PDE1C: variants seen among roughly 807,000 people sequenced by gnomAD.
PDE1C encodes the protein phosphodiesterase 1C.
PDE1C carries 62 observed loss-of-function variants against 93.1 expected under a neutral mutation model. That is an observed-to-expected ratio of 0.67 (90% CI 0.54 to 0.82). The LOEUF (loss-of-function observed/expected upper bound fraction) is 0.82. Among genes scored for constraint, PDE1C ranks in the 40% least tolerant of loss-of-function variants. The pLI, the probability that PDE1C is intolerant of heterozygous loss-of-function variation, is 0.00. For missense variants in PDE1C, 742 were observed against 884.6 expected (o/e 0.84, Z 2.04); for synonymous variants, 325 against 310.1 (o/e 1.05, Z -0.50).
chr7:31,649,839 T>C, the PDE1C span, among the ~76,000 whole-genome samples: 1 of 152,260 alleles, frequency 6.6e-6, no homozygotes, highest in East Asian at 1.9e-4. Context: ...TAAATAGCTT[T>C]AGTTAAAGCC....
At chr7:32,086,699 C>T (rs1302592536) in intron 3 of PDE1C, among the ~76,000 whole-genome samples, 6 of 152,106 alleles carry the variant, frequency 3.9e-5, no homozygotes, top group South Asian at 2.1e-4. Flanking sequence ...GAAATAACAC[C>T]GCATATCTAC....
At position 32,193,954 on chromosome 7, in the gene PDE1C, G is replaced by A. The variant is rs190210784; in HGVS notation, c.136+15535C>T. Among the ~76,000 whole-genome samples, 362 of 129,764 alleles carry A rather than the reference G, an allele frequency of 2.8e-3. 3 individuals carry two copies. The highest frequency in any genetic ancestry group is 9.4e-3 in the African/African-American group (333 of 35,420). 85.1% of individuals were successfully genotyped at this position (129,764 alleles called of 152,430 possible). ...TTTTGAGACGGAGTCTCACTCTGTC[G>A]CCCAGGCTGGAGTGCAGTGGCACAA... is the stretch of plus-strand genomic sequence containing the variant. On this transcript the variant is annotated intron_variant, in intron 2 of 18. Coordinates refer to the PDE1C transcript ENST00000396193.
At chr7:32,107,986 T>A (rs1036728446) in intron 3 of PDE1C, among the ~76,000 whole-genome samples, 7 of 151,128 alleles carry the variant, frequency 4.6e-5, no homozygotes, top group Non-Finnish European at 8.8e-5. Flanking sequence ...AAAAAGAAAT[T>A]TTTTTAAGTA....
At chr7:32,009,977 T>C (rs548538341) in intron 2 of PDE1C, among the ~76,000 whole-genome samples, 1 of 152,196 alleles carries the variant, frequency 6.6e-6, no homozygotes, top group Non-Finnish European at 1.5e-5. Flanking sequence ...CAAGAGATTG[T>C]CAAGACCTGT....
At chr7:31,941,749 T>C (rs956164745) in intron 2 of PDE1C, among the ~76,000 whole-genome samples, 4 of 152,180 alleles carry the variant, frequency 2.6e-5, no homozygotes, top group Non-Finnish European at 5.9e-5. Flanking sequence ...TCTACTGTTC[T>C]TTAATCCAGT....
chr7:32,181,474 T>A (rs576271192), intron 2 of PDE1C, among the ~76,000 whole-genome samples: 1 of 152,192 alleles, frequency 6.6e-6, no homozygotes, highest in East Asian at 1.9e-4. Flanking sequence ...GCAATCAAAC[T>A]AGAACTCAGA....
At chr7:31,798,803 T>C (rs1243728551) in intron 16 of PDE1C, among the ~76,000 whole-genome samples, 2 of 151,752 alleles carry the variant, frequency 1.3e-5, no homozygotes, top group African/African-American at 2.4e-5. Context: ...GACCAATGCA[T>C]AGCCAGTGTC....
Position 31,774,006 on chromosome 7 carries a change from C to T in PDE1C, c.1960+1658G>A, listed in dbSNP as rs374891156. On this transcript the variant is annotated intron_variant, in intron 17 of 17. Transcript: ENST00000396191. ...CAAGAAAAGTTCAAGGGTTATTCGG[C>T]GGATGTGGAGTCCACTTGTTTGACT... is the stretch of plus-strand genomic sequence containing the variant. 3.9e-5 allele frequency among the ~76,000 whole-genome samples: 6 copies of T among 152,268 alleles called. 1 individual carries two copies. Among genetic ancestry groups the T allele is most frequent in the South Asian group, 2.1e-4 (1 of 4,820 alleles).
rs114219133 is a variant in PDE1C at position 32,156,494 on chromosome 7, A to G, written c.308+13291T>C. On this transcript the variant is annotated intron_variant, in intron 3 of 18. Coordinates refer to the PDE1C transcript ENST00000396193. ...ATATTCTAAGTCGAAGTTCATTTCT[A>G]CCCTTTAGGGTTGATGTCTCTCCCT... is the stretch of plus-strand genomic sequence containing the variant. Among the ~76,000 whole-genome samples the G allele has an allele frequency of 3.1e-3, 471 of 152,210 alleles. 6 individuals are homozygous for G. The highest frequency in any genetic ancestry group is 0.011 in the African/African-American group (459 of 41,534).
At chr7:31,946,367 A>G (rs1382711785) in intron 2 of PDE1C, among the ~76,000 whole-genome samples, 2 of 152,230 alleles carry the variant, frequency 1.3e-5, no homozygotes, top group East Asian at 3.9e-4. Context: ...CCACACCATA[A>G]TCTAAGCCCA....
intron 2 of PDE1C, among the ~76,000 whole-genome samples, chr7:31,985,595 C>T (rs1783279605): frequency 6.6e-6 from 1 of 151,994 alleles, no homozygotes; most frequent in African/African-American, 2.4e-5. Flanking sequence ...CGACAGGTCC[C>T]AGTGTGTGAT....
At chr7:31,904,569 A>G (rs1800364447) in intron 2 of PDE1C, among the ~76,000 whole-genome samples, 1 of 152,014 alleles carries the variant, frequency 6.6e-6, no homozygotes, top group African/African-American at 2.4e-5. Context: ...TCCCTGCTAC[A>G]TACTACTTCG....
intron 16 of PDE1C, chr7:31,789,934 T>C: frequency 1.7e-6 from 2 of 1,163,410 alleles, no homozygotes; most frequent in Non-Finnish European, 2.1e-6. Context: ...GCCAGGTCAT[T>C]AGCAAAGGAT....
chr7:32,165,413 A>G (rs916423859), intron 3 of PDE1C, among the ~76,000 whole-genome samples: 3 of 152,250 alleles, frequency 2.0e-5, no homozygotes, highest in East Asian at 1.9e-4. Flanking sequence ...TCACACTGCT[A>G]TAAAGAAATA....
chr7:32,153,277 TG>T (rs1801371178), intron 3 of PDE1C, among the ~76,000 whole-genome samples: 3 of 152,118 alleles, frequency 2.0e-5, no homozygotes, highest in African/African-American at 7.2e-5. Flanking sequence ...TGGCATCTCG[TG>T]GGGTGGGAAA....
intron 15 of PDE1C, among the ~76,000 whole-genome samples, chr7:31,809,314 T>C (rs995568628): frequency 7.2e-5 from 11 of 152,178 alleles, no homozygotes; most frequent in African/African-American, 1.4e-4. Context: ...AAGTTCTTGT[T>C]AAACAGAGTT....
chr7:31,647,726 G>A, the PDE1C span, among the ~76,000 whole-genome samples: 1 of 144,530 alleles, frequency 6.9e-6, no homozygotes, highest in East Asian at 2.1e-4. Context: ...TGACGACAAC[G>A]ACGACGACAA....
intron 1 of PDE1C, among the ~76,000 whole-genome samples, chr7:32,360,930 C>T (rs1784125736): frequency 6.6e-6 from 1 of 152,178 alleles, no homozygotes; most frequent in Non-Finnish European, 1.5e-5. Context: ...TTACTGTATG[C>T]TAGGCACGGT....
rs568902438 is a variant in PDE1C, at chr7:32,355,407, T to G, written c.310+72415A>C. 3.8e-4 allele frequency among the ~76,000 whole-genome samples: 58 copies of G among 152,286 alleles called. 1 individual carries two copies. In the South Asian group the frequency reaches 0.011, roughly 29 times the overall value. On this transcript the variant is annotated intron_variant, in intron 1 of 1. Transcript: ENST00000672256. ...CCAAACATCCACTGCAGCAGCTCGC[T>G]AGGTTGAGAGGGTTTTGACTGAAAC...
Sources: gnomAD v4.1 joint callset for allele counts (sites outside exome capture counted in the v4.1 genomes callset) on GRCh38, gnomAD v4.1.1 for gene constraint, MANE v1.5 for transcripts, NCBI Gene and HGNC (gene_info 2026-07-23, HGNC 2026-07-21) for gene names.